WARS2: variants seen among roughly 807,000 people sequenced by gnomAD.
WARS2 encodes the protein tryptophanyl tRNA synthetase 2, mitochondrial.
A neutral mutation model predicts 36.5 loss-of-function variants in WARS2; 28 were observed. That is an observed-to-expected ratio of 0.77 (90% CI 0.57 to 1.05). The LOEUF (loss-of-function observed/expected upper bound fraction) is 1.05. Ranked by LOEUF, WARS2 falls within the 50% of genes least tolerant of loss-of-function variation. The probability of loss-of-function intolerance (pLI) is 0.00; values close to 1 mark genes in which losing one functional copy is unlikely to be tolerated. For missense variants in WARS2, 435 were observed against 456.8 expected (o/e 0.95, Z 0.44); for synonymous variants, 174 against 178.4 (o/e 0.98, Z 0.20).
At chr1:119,055,200 A>G (rs1649671440) in intron 2 of WARS2, among the ~76,000 whole-genome samples, 1 of 152,226 alleles carries the variant, frequency 6.6e-6, no homozygotes, top group Admixed American at 6.5e-5. Flanking sequence ...TGAGGCAAAA[A>G]GGAAAGGTCT....
At chr1:119,123,835 T>G (rs1655483320) in intron 1 of WARS2, among the ~76,000 whole-genome samples, 1 of 150,726 alleles carries the variant, frequency 6.6e-6, no homozygotes, top group African/African-American at 2.4e-5. Context: ...CTAAACCTAC[T>G]GCACAGATAA....
At position 119,033,372 on chromosome 1, in the gene WARS2, C is replaced by T. The variant is rs1388409864; in HGVS notation, c.635-13G>A. The T allele has an allele frequency of 6.2e-7, 1 of 1,613,804 alleles. No homozygotes were observed. The highest frequency in any genetic ancestry group is 1.1e-5 in the South Asian group (1 of 91,068). ...TTCTTCATGGATGCTAGGTTAAAAA[C>T]ACCAACACACACATACCCAAAACAA... On this transcript the variant is annotated splice_polypyrimidine_tract_variant and intron_variant, in intron 5 of 5. Coordinates refer to ENST00000235521, the MANE Select transcript of WARS2 (RefSeq NM_015836.4).
At chr1:119,070,783 A>AT (rs1255150014) in intron 2 of WARS2, among the ~76,000 whole-genome samples, 3 of 152,122 alleles carry the variant, frequency 2.0e-5, no homozygotes, top group East Asian at 3.9e-4. Context: ...CCTAATAAGC[A>AT]TTTTTTTATA....
At chr1:119,112,532 A>G (rs896557027) in intron 1 of WARS2, among the ~76,000 whole-genome samples, 6 of 152,214 alleles carry the variant, frequency 3.9e-5, no homozygotes, top group African/African-American at 1.2e-4. Flanking sequence ...TGAGCAACCA[A>G]TGTTAAGAGC....
chr1:119,128,919 T>C (rs1285243779), intron 1 of WARS2, among the ~76,000 whole-genome samples: 1 of 152,218 alleles, frequency 6.6e-6, no homozygotes, highest in African/African-American at 2.4e-5. Flanking sequence ...TATGTTCATA[T>C]ATTCTCAATC....
At position 119,031,718 on chromosome 1, in the gene WARS2, A is replaced by C. The variant is rs1647440937; in HGVS notation, c.*1193T>G. On this transcript the variant is annotated 3_prime_UTR_variant, in exon 6 of 6. Transcript: ENST00000235521. ...CTAGGTTTCAGGGTGACATTACTTA[A>C]CTGAGGTAGAGGCAAGATGAGAAGC... 1 of 152,246 alleles carries C rather than the reference A, an allele frequency of 6.6e-6. No individual in the cohort carries two copies. Among genetic ancestry groups the C allele is most frequent in the South Asian group, 2.1e-4 (1 of 4,836 alleles). The allele number at this position is 152,246 out of a possible 1,614,324, so 9.4% of individuals were successfully genotyped here.
chr1:119,035,427 C>T (rs576496619), intron 4 of WARS2, among the ~76,000 whole-genome samples: 50 of 152,192 alleles, frequency 3.3e-4, no homozygotes, highest in African/African-American at 1.2e-3. Flanking sequence ...ATGGAGCTTA[C>T]CTCATATAGC....
intron 2 of WARS2, among the ~76,000 whole-genome samples, chr1:119,073,463 G>T (rs924122389): frequency 6.6e-6 from 1 of 152,136 alleles, no homozygotes; most frequent in African/African-American, 2.4e-5. Context: ...GAGACAAATT[G>T]TATAATGTAG....
chr1:119,041,845 A>G (rs780700436), intron 4 of WARS2, among the ~76,000 whole-genome samples: 3 of 152,206 alleles, frequency 2.0e-5, no homozygotes, highest in African/African-American at 2.4e-5. Flanking sequence ...CTGGACTCAA[A>G]TCCTGGCTCC....
Position 119,042,317 on chromosome 1 carries a change from C to T in WARS2, c.462G>A (p.Thr154=), listed in dbSNP as rs759476628. 9.3e-6 allele frequency: 15 copies of T among 1,613,584 alleles called. No individual in the cohort carries two copies. Among genetic ancestry groups the T allele is most frequent in the African/African-American group, 1.3e-5 (1 of 74,784 alleles). ...GTACTGGGTATGTGAGCAGGCCCAC[C>T]GTGCCATCGTGCTTCTGCTTGGTAG... ...AKTTKQKHDG[T]VGLLTYPVLQ... is the part of the protein sequence containing the mutation. The change falls in exon 4 of 6, where the codon ACG becomes ACA. Residue 154 remains threonine (T), a synonymous_variant. Transcript: ENST00000235521.
chr1:119,032,446 AT>A lies in WARS2; in HGVS notation c.*464del, dbSNP rs1186574325. 6.5e-6 allele frequency: 1 copy of A among 154,494 alleles called. No homozygotes were observed. The highest frequency in any genetic ancestry group is 1.9e-4 in the East Asian group (1 of 5,222). The allele number at this position is 154,494 out of a possible 1,614,324, so 9.6% of individuals were successfully genotyped here. A position where few individuals can be genotyped will look rare whatever the true frequency, so the allele number is the denominator to read the frequency against. ...AAACTATAAGAATGGACTTGTTTTT[AT>A]GAGCTCTGAATACAAATTGGCATCT... On this transcript the variant is annotated 3_prime_UTR_variant, in exon 6 of 6. Transcript: ENST00000235521.
chr1:119,042,236 A>G (rs1461906769), intron 4 of WARS2, 28 bp downstream of exon 4: 2 of 1,608,220 alleles, frequency 1.2e-6, no homozygotes, highest in Non-Finnish European at 1.7e-6. Context: ...ATGAGTATGT[A>G]TAAGACTGGG....
chr1:119,114,753 C>T (rs893755726), intron 1 of WARS2, among the ~76,000 whole-genome samples: 1 of 152,204 alleles, frequency 6.6e-6, no homozygotes, highest in East Asian at 1.9e-4. Flanking sequence ...CAATTCCCTA[C>T]AATTTTACCT....
At position 119,126,964 on chromosome 1, in the gene WARS2, C is replaced by T. The variant is rs1228997938; in HGVS notation, c.90+13591G>A. 6.8e-6 allele frequency: 5 copies of T among 734,754 alleles called. No homozygotes were observed. The African/African-American group carries it at 6.9e-5, about 10-fold the overall frequency. The allele number at this position is 734,754 out of a possible 1,614,324, so 45.5% of individuals were successfully genotyped here. ...TGTCTGCCATTTTTTGATCATGGAACACATTTTGTCATGGGTAAGATCCAT... is the reference window on the plus strand; with the variant it reads ...TGTCTGCCATTTTTTGATCATGGAATACATTTTGTCATGGGTAAGATCCAT... On this transcript the variant is annotated intron_variant, in intron 1 of 5. Coordinates refer to ENST00000235521, the MANE Select transcript of WARS2 (RefSeq NM_015836.4).
At chr1:119,047,285 T>A (rs1164054823) in intron 2 of WARS2, 1 of 7,756 alleles carries the variant, frequency 1.3e-4, no homozygotes, top group Non-Finnish European at 2.3e-4. Flanking sequence ...AGGAGAGAAT[T>A]TTTTTTTTCT....
At chr1:119,043,041 C>G (rs2101123118) in intron 3 of WARS2, among the ~76,000 whole-genome samples, 1 of 152,132 alleles carries the variant, frequency 6.6e-6, no homozygotes, top group East Asian at 1.9e-4. Flanking sequence ...ATGTTAGAAA[C>G]ATTTAATAAC....
chr1:119,038,841 C>T lies in WARS2; in HGVS notation c.515+3423G>A, dbSNP rs558040197. 4.6e-5 allele frequency among the ~76,000 whole-genome samples: 7 copies of T among 152,110 alleles called. No individual in the cohort carries two copies. The East Asian group carries it at 5.8e-4, about 13-fold the overall frequency. On this transcript the variant is annotated intron_variant, in intron 4 of 5. Transcript: ENST00000235521. Reference sequence around the variant, plus strand: ...GACTACAGGCACACACCACCACGCCCGGCTAATTTTTTGTATTTTAAGTAG... The same window carrying T: ...GACTACAGGCACACACCACCACGCCTGGCTAATTTTTTGTATTTTAAGTAG...
intron 1 of WARS2, among the ~76,000 whole-genome samples, chr1:119,089,876 C>A (rs587751436): frequency 2.8e-4 from 42 of 152,260 alleles, no homozygotes; most frequent in African/African-American, 9.6e-4. Context: ...AACCCAGGAA[C>A]AGAAAACCAA....
intron 4 of WARS2, among the ~76,000 whole-genome samples, chr1:119,040,571 C>T (rs895901765): frequency 1.3e-5 from 2 of 152,170 alleles, no homozygotes; most frequent in African/African-American, 4.8e-5. Context: ...CTCAGCCTTC[C>T]AAGTAGTTGG....
Sources: allele counts gnomAD v4.1 joint callset (sites outside exome capture counted in the v4.1 genomes callset), GRCh38; gene constraint gnomAD v4.1.1; transcripts MANE v1.5; gene names NCBI Gene and HGNC (gene_info 2026-07-23, HGNC 2026-07-21).